Variants in LAMC3 observed in about 807,000 individuals in gnomAD.
The protein encoded by LAMC3 is laminin subunit gamma-3.
Under a neutral mutation model 173.8 loss-of-function variants are expected in LAMC3, and 128 were observed. The ratio of observed to expected loss-of-function variants is 0.74; its 90% confidence interval spans 0.64 to 0.85. The LOEUF (loss-of-function observed/expected upper bound fraction) is 0.85, where lower values mean the gene tolerates loss of function less well. Ranked by LOEUF, LAMC3 falls within the 40% of genes least tolerant of loss-of-function variation. The probability of loss-of-function intolerance (pLI) is 0.00; values close to 1 mark genes in which losing one functional copy is unlikely to be tolerated. For synonymous variants in LAMC3, 897 were observed against 909.1 expected (o/e 0.99, Z 0.24); for missense variants, 2,022 against 2,156.0 (o/e 0.94, Z 1.23).
intron 3 of LAMC3, among the ~76,000 whole-genome samples, chr9:131,032,535 T>TCTCCCTCTCTTGCTCTCTCTCG (rs1833849113): frequency 7.8e-6 from 1 of 128,182 alleles, no homozygotes; most frequent in Non-Finnish European, 1.6e-5. Context: ...TCTCTCGCTG[T>TCTCCCTCTCTTGCTCTCTCTCG]CTCTCTCTCT....
Position 131,026,229 on chromosome 9 carries a change from A to G in LAMC3, c.374-56A>G. The G allele has an allele frequency of 1.2e-6, 2 of 1,609,536 alleles. No homozygotes were observed. The highest frequency in any genetic ancestry group is 1.7e-6 in the Non-Finnish European group (2 of 1,178,276). On this transcript the variant is annotated intron_variant, in intron 1 of 27. Transcript: ENST00000361069. The surrounding 1 kb of genome is among the most constrained non-coding windows in gnomAD (Gnocchi z 4.8). The stretch of plus-strand genomic sequence containing the variant: ...TGCAGCCGTCTGTCCTTCCTAGACC[A>G]GGATTCCATACCTCCTTCCCCTTCC...
In LAMC3 at chr9:131,026,992, A is replaced by G. The variant is rs1402517128; in HGVS notation, c.678+403A>G. Among the ~76,000 whole-genome samples the G allele has an allele frequency of 6.6e-6, 1 of 152,182 alleles. No homozygotes were observed. The highest frequency in any genetic ancestry group is 2.4e-5 in the African/African-American group (1 of 41,460). On this transcript the variant is annotated intron_variant, in intron 2 of 27. Coordinates refer to ENST00000361069, the MANE Select transcript of LAMC3 (RefSeq NM_006059.4). The surrounding 1 kb of genome is among the most constrained non-coding windows in gnomAD (Gnocchi z 4.8). ...CTCCCAAAGTGCTGGGATTACAGGC[A>G]TGAGCCACTGCCCTTGGCCCCAAAC...
chr9:131,032,128 G>A lies in LAMC3; in HGVS notation c.762G>A (p.Val254=). Residue 254 remains valine, a synonymous_variant, in exon 3 of 28, where the codon GTG becomes GTA. Transcript: ENST00000361069. The part of the protein sequence containing the change: ...FGDDIFKDPK[V]LQSYYYAVSD... ...ACGACATCTTCAAGGACCCCAAGGTGCTCCAGTCCTACTATTATGCCGTGT... is the reference window on the plus strand; with the variant it reads ...ACGACATCTTCAAGGACCCCAAGGTACTCCAGTCCTACTATTATGCCGTGT... The A allele has an allele frequency of 1.2e-6, 2 of 1,614,086 alleles. No individual in the cohort carries two copies. The highest frequency in any genetic ancestry group is 1.7e-6 in the Non-Finnish European group (2 of 1,180,008).
chr9:131,087,438 C>T (rs1213256579), intron 25 of LAMC3, 38 bp from the exon 26 acceptor site: 2 of 1,613,136 alleles, frequency 1.2e-6, no homozygotes, highest in East Asian at 2.2e-5. Context: ...ACTTGCTGCA[C>T]TCACTTCTTC....
At chr9:131,071,844 A>G (rs1360111782) in intron 18 of LAMC3, among the ~76,000 whole-genome samples, 3 of 152,180 alleles carry the variant, frequency 2.0e-5, no homozygotes, top group African/African-American at 7.2e-5. Context: ...GGCTGGGCTC[A>G]TTCATTTATT....
intron 7 of LAMC3, 27 bp from the exon 8 acceptor site, chr9:131,045,497 C>T (rs373672527): frequency 6.2e-7 from 1 of 1,612,690 alleles, no homozygotes; most frequent in Non-Finnish European, 8.5e-7. Context: ...ACGTGGCCCT[C>T]GTGGGCATGT....
rs1833730152 is a variant in LAMC3, at chr9:131,026,932, G to C, written c.678+343G>C. 6.6e-6 allele frequency among the ~76,000 whole-genome samples: 1 copy of C among 152,116 alleles called. No individual in the cohort carries two copies. Among genetic ancestry groups the C allele is most frequent in the Admixed American group, 6.5e-5 (1 of 15,274 alleles). On this transcript the variant is annotated intron_variant, in intron 2 of 27. Transcript: ENST00000361069. The surrounding 1 kb of genome is among the most constrained non-coding windows in gnomAD (Gnocchi z 4.8). ...TCGCCATGTTGGCCAGGCTGGTCTT[G>C]AACTCCTGACATTAAGCGATCCACC...
At position 131,066,622 on chromosome 9, in the gene LAMC3, T is replaced by C. The variant is rs575329756; in HGVS notation, c.2348-338T>C. Among the ~76,000 whole-genome samples, 11 of 152,156 alleles carry C rather than the reference T, an allele frequency of 7.2e-5. No individual in the cohort carries two copies. In the East Asian group the frequency reaches 1.7e-3, roughly 24 times the overall value. On this transcript the variant is annotated intron_variant, in intron 13 of 27. Coordinates refer to ENST00000361069, the MANE Select transcript of LAMC3 (RefSeq NM_006059.4). ...GATGATGAGGGTGTGAGGACAGATATGTGATGATAGCCACCACTCCTGAGT... is the reference window on the plus strand; with the variant it reads ...GATGATGAGGGTGTGAGGACAGATACGTGATGATAGCCACCACTCCTGAGT...
chr9:131,079,244 A>G lies in LAMC3; in HGVS notation c.3873A>G (p.Arg1291=). 6.2e-7 allele frequency: 1 copy of G among 1,614,208 alleles called. No individual in the cohort carries two copies. The highest frequency in any genetic ancestry group is 1.3e-5 in the African/African-American group (1 of 75,068). The change falls in exon 23 of 28, where the codon CGA becomes CGG. Residue 1291 remains arginine, a synonymous_variant. Transcript: ENST00000361069. The stretch of plus-strand genomic sequence containing the variant: ...AGCACATGGCCACTGAGGCTGCCCG[A>G]ACCCTCCAGACTGCTGCCCAGGCGA... The part of the protein sequence containing the change: ...SWQHMATEAA[R]TLQTAAQATL...
In LAMC3 at chr9:131,033,812, TG is replaced by T. The variant is rs1833894124; in HGVS notation, c.809+1641del. ...GTGTGTGAACCATGGGCCATGGGAG[TG>T]GGGAGCGGGGATGACACTGGACTCT... On this transcript the variant is annotated intron_variant, in intron 3 of 27. Coordinates refer to ENST00000361069, the MANE Select transcript of LAMC3 (RefSeq NM_006059.4). Among the ~76,000 whole-genome samples, 3 of 151,106 alleles carry T rather than the reference TG, an allele frequency of 2.0e-5. No homozygotes were observed. In the South Asian group the frequency reaches 6.3e-4, roughly 32 times the overall value.
intron 1 of LAMC3, among the ~76,000 whole-genome samples, chr9:131,019,377 G>A (rs1227779175): frequency 3.3e-5 from 5 of 152,214 alleles, no homozygotes; most frequent in Admixed American, 3.3e-4. Flanking sequence ...TAGCACACAA[G>A]AGGTGCCCAA....
intron 15 of LAMC3, 80 bp downstream of exon 15, chr9:131,068,311 C>G (rs1428637036): frequency 1.2e-5 from 18 of 1,475,896 alleles, no homozygotes; most frequent in Non-Finnish European, 1.7e-5. Context: ...AGGGAGGGGC[C>G]TGGTTTGGAA....
chr9:131,015,200 A>G (rs1833498226), intron 1 of LAMC3, among the ~76,000 whole-genome samples: 1 of 152,202 alleles, frequency 6.6e-6, no homozygotes, highest in Non-Finnish European at 1.5e-5. Flanking sequence ...TGTGAACCCC[A>G]GGGTTGCAAG....
At chr9:131,019,888 G>A (rs1833597243) in intron 1 of LAMC3, among the ~76,000 whole-genome samples, 1 of 151,204 alleles carries the variant, frequency 6.6e-6, no homozygotes, top group African/African-American at 2.4e-5. Context: ...GCCTCCCCCG[G>A]CCGGGCCCCG....
intron 19 of LAMC3, 69 bp downstream of exon 19, chr9:131,072,904 T>C: frequency 6.9e-7 from 1 of 1,445,862 alleles, no homozygotes; most frequent in Non-Finnish European, 9.5e-7. Flanking sequence ...AGCCCTCCCA[T>C]TGACCTGGTG....
chr9:131,050,681 T>G (rs1256203845), intron 9 of LAMC3, among the ~76,000 whole-genome samples: 1 of 151,810 alleles, frequency 6.6e-6, no homozygotes, highest in African/African-American at 2.4e-5. Flanking sequence ...GACAGGAGAA[T>G]TGCTTGAACC....
At position 131,036,605 on chromosome 9, in the gene LAMC3, G is replaced by A. The variant is rs3818799; in HGVS notation, c.976+273G>A. ...GTGGTGGGAGGGCCGGAAGGTCCCC[G>A]ACTTGCTTCTTTGTGTTAACCGCTC... is the stretch of plus-strand genomic sequence containing the variant. On this transcript the variant is annotated intron_variant, in intron 4 of 27. Coordinates refer to ENST00000361069, the MANE Select transcript of LAMC3 (RefSeq NM_006059.4). Among the ~76,000 whole-genome samples, 10,866 of 152,158 alleles carry A rather than the reference G, an allele frequency of 0.071. 520 individuals carry two copies. Among genetic ancestry groups the A allele is most frequent in the South Asian group, 0.17 (813 of 4,802 alleles).
rs779193325 is a variant in LAMC3 at position 131,069,778 on chromosome 9, C to T, written c.2997C>T (p.Asp999=). 6.9e-6 allele frequency: 11 copies of T among 1,595,500 alleles called. No homozygotes were observed. The highest frequency in any genetic ancestry group is 2.3e-5 in the South Asian group (2 of 88,004). The part of the protein sequence containing the change: ...FEGYKCDRCH[D]NFFLTADGTH... ...GCTACAAATGTGACCGCTGCCACGA[C>T]AACTTCTTCCTCACGGCAGACGGCA... The change falls in exon 17 of 28, where the codon GAC becomes GAT. Residue 999 remains aspartate (D), a synonymous_variant. Coordinates refer to ENST00000361069, the MANE Select transcript of LAMC3 (RefSeq NM_006059.4).
chr9:131,086,863 TG>T (rs945521215), intron 25 of LAMC3, among the ~76,000 whole-genome samples: 5 of 150,344 alleles, frequency 3.3e-5, no homozygotes, highest in African/African-American at 1.2e-4. Flanking sequence ...CACTCCAGCC[TG>T]GGCAACAGAG....
Sources: allele counts gnomAD v4.1 joint callset (sites outside exome capture counted in the v4.1 genomes callset), GRCh38; gene constraint gnomAD v4.1.1; non-coding constraint Gnocchi (gnomAD v3.1); transcripts MANE v1.5; gene names NCBI Gene and HGNC (gene_info 2026-07-23, HGNC 2026-07-21).